AHI1: variants seen among roughly 807,000 people sequenced by gnomAD.
AHI1 encodes Abelson helper integration site 1.
AHI1 carries 123 observed loss-of-function variants against 149.3 expected under a neutral mutation model. The observed-to-expected ratio is 0.82, with a 90% CI of 0.71 to 0.96. The LOEUF is 0.96. AHI1 is among the 40% of genes least tolerant of loss of function. The pLI is 0.00. For missense variants in AHI1, 1,439 were observed against 1,422.7 expected (o/e 1.01, Z -0.18); for synonymous variants, 475 against 459.8 (o/e 1.03, Z -0.42).
At chr6:135,473,372 G>A (rs1358400184) in intron 5 of AHI1, among the ~76,000 whole-genome samples, 1 of 152,086 alleles carries the variant, frequency 6.6e-6, no homozygotes, top group Non-Finnish European at 1.5e-5. Context: ...TTTTGAATCA[G>A]AAAGTGTAAT....
rs1250358694 is a variant in AHI1, at chr6:135,497,260, A to G, written c.-201-11T>C. On this transcript the variant is annotated splice_polypyrimidine_tract_variant and intron_variant, in intron 1 of 28. Transcript: ENST00000265602. The stretch of plus-strand genomic sequence containing the variant: ...CCCCAGGTTGACACTCTAAAAGGAA[A>G]TAAACACACTCAGTACACATCTGAT... 1 of 152,280 alleles carries G rather than the reference A, an allele frequency of 6.6e-6. No homozygotes were observed. The highest frequency in any genetic ancestry group is 2.4e-5 in the African/African-American group (1 of 41,472). 9.4% of individuals were successfully genotyped at this position (152,280 alleles called of 1,614,324 possible).
At chr6:135,331,445 G>T (rs1364995389) in intron 24 of AHI1, among the ~76,000 whole-genome samples, 1 of 152,074 alleles carries the variant, frequency 6.6e-6, no homozygotes, top group East Asian at 1.9e-4. Flanking sequence ...AGCACTGCTG[G>T]AAACACCATT....
chr6:135,308,704 A>G (rs1342433206), intron 26 of AHI1, among the ~76,000 whole-genome samples: 1 of 152,232 alleles, frequency 6.6e-6, no homozygotes, highest in African/African-American at 2.4e-5. Context: ...CTAAATAAGG[A>G]GTGGGTTGCT....
intron 24 of AHI1, among the ~76,000 whole-genome samples, chr6:135,331,688 C>T (rs1012099300): frequency 1.3e-5 from 2 of 151,706 alleles, no homozygotes; most frequent in Non-Finnish European, 3.0e-5. Context: ...CGTAATACCT[C>T]CAAGTCATTC....
At position 135,482,894 on chromosome 6, in the gene AHI1, C is replaced by CTTT. The variant is rs761997683; in HGVS notation, c.135+7726_135+7728dup. ...TTCAACCAGTATAATCCATTTAAGG[C>CTTT]TTTTTTTTTTTTTTTGAGACAGAGT... On this transcript the variant is annotated intron_variant, in intron 5 of 28. Coordinates refer to ENST00000265602, the MANE Select transcript of AHI1 (RefSeq NM_001134831.2). Among the ~76,000 whole-genome samples the CTTT allele has an allele frequency of 2.5e-4, 14 of 55,732 alleles. 3 individuals are homozygous for CTTT. The highest frequency in any genetic ancestry group is 9.3e-4 in the African/African-American group (10 of 10,788). The allele number at this position is 55,732 out of a possible 152,430, so 36.6% of individuals were successfully genotyped here.
chr6:135,466,349 G>T lies in AHI1; in HGVS notation c.214C>A (p.Pro72Thr), dbSNP rs1173813597. The T allele has an allele frequency of 3.1e-6, 5 of 1,613,610 alleles. No homozygotes were observed. The African/African-American group carries it at 6.7e-5, about 22-fold the overall frequency. ...TCACTTGTAGTTTCTTTAATATGGG[G>T]AAGATTGCTTCTAATAGTGTCGGGC... ...DDPDTIRSNL[P>T]HIKETTSDDV... The change falls in exon 7 of 29, where the codon CCC becomes ACC. Residue 72 changes from proline (P) to threonine (T), a missense_variant. Physicochemically the swap from Pro to Thr is conservative, Grantham distance 38. Coordinates refer to ENST00000265602, the MANE Select transcript of AHI1 (RefSeq NM_001134831.2).
intron 7 of AHI1, among the ~76,000 whole-genome samples, chr6:135,463,826 A>G (rs1358844759): frequency 1.3e-5 from 2 of 151,870 alleles, no homozygotes; most frequent in African/African-American, 4.8e-5. Context: ...ATCATAGCTC[A>G]CTGCTGCCTC....
chr6:135,422,619 T>TTATGTATGTATGTATGTATG (rs71006761), intron 20 of AHI1, among the ~76,000 whole-genome samples: 1 of 147,724 alleles, frequency 6.8e-6, no homozygotes. Flanking sequence ...AGTTTTATTT[T>TTATGTATGTATGTATGTATG]TATGTATGTA....
At chr6:135,469,262 A>C (rs1284626126) in intron 5 of AHI1, among the ~76,000 whole-genome samples, 1 of 152,184 alleles carries the variant, frequency 6.6e-6, no homozygotes, top group Admixed American at 6.5e-5. Context: ...CAAAAACCAT[A>C]TGATTATCTG....
chr6:135,397,895 A>G (rs2128489214), intron 22 of AHI1, among the ~76,000 whole-genome samples: 1 of 152,206 alleles, frequency 6.6e-6, no homozygotes, highest in African/African-American at 2.4e-5. Context: ...TTATAACCGA[A>G]AGAATGTTAA....
At chr6:135,487,955 T>G (rs1008168935) in intron 5 of AHI1, among the ~76,000 whole-genome samples, 3 of 152,114 alleles carry the variant, frequency 2.0e-5, no homozygotes, top group Non-Finnish European at 2.9e-5. Context: ...AATGCACATA[T>G]GTTTACAACT....
rs574975641 is a variant in AHI1, at chr6:135,306,473, G to A, written c.3427-5915C>T. ...GGAGTAAGAAATCAGCAGCTTGAGT[G>A]AGAAACGTGGACATTCTTTTCTGAC... On this transcript the variant is annotated intron_variant, in intron 26 of 28. Coordinates refer to ENST00000265602, the MANE Select transcript of AHI1 (RefSeq NM_001134831.2). Among the ~76,000 whole-genome samples the A allele has an allele frequency of 7.2e-5, 11 of 152,342 alleles. No homozygotes were observed. In the South Asian group the frequency reaches 2.1e-3, roughly 29 times the overall value.
chr6:135,451,255 C>CA (rs2128065728), intron 11 of AHI1, among the ~76,000 whole-genome samples: 1 of 152,292 alleles, frequency 6.6e-6, no homozygotes, highest in East Asian at 1.9e-4. Context: ...CCTCACCTCC[C>CA]AGCGTGCTGG....
At chr6:135,412,817 T>C (rs1263116581) in intron 20 of AHI1, among the ~76,000 whole-genome samples, 3 of 152,096 alleles carry the variant, frequency 2.0e-5, no homozygotes, top group Non-Finnish European at 2.9e-5. Flanking sequence ...ATTCATAATA[T>C]GGAATCAATG....
At position 135,433,178 on chromosome 6, in the gene AHI1, G is replaced by A; in HGVS notation, c.2115C>T (p.Phe705=). 6.2e-7 allele frequency: 1 copy of A among 1,613,084 alleles called. No individual in the cohort carries two copies. The highest frequency in any genetic ancestry group is 1.3e-5 in the African/African-American group (1 of 75,028). ...PHPSFVYTAK[F]HPAVRELVVT... ...CTACTAGCTCTCTTACAGCTGGATG[G>A]AATTTAGCCGTGTAAACAAAAGAAG... The change falls in exon 16 of 29, where the codon TTC becomes TTT. Residue 705 remains phenylalanine (F), a synonymous_variant. Transcript: ENST00000265602.
intron 11 of AHI1, among the ~76,000 whole-genome samples, chr6:135,449,758 A>G (rs1198347208): frequency 6.6e-6 from 1 of 152,242 alleles, no homozygotes; most frequent in Non-Finnish European, 1.5e-5. Flanking sequence ...AATGATGGGA[A>G]TACTCTAACC....
chr6:135,483,394 C>T (rs1267452750), intron 5 of AHI1, among the ~76,000 whole-genome samples: 1 of 152,026 alleles, frequency 6.6e-6, no homozygotes, highest in Admixed American at 6.6e-5. Flanking sequence ...CAATTCACTG[C>T]ACAAAACAAA....
rs911999039 is a variant in AHI1 at position 135,284,590 on chromosome 6, T to A, written c.*1055A>T. 1 of 126,092 alleles carries A rather than the reference T, an allele frequency of 7.9e-6. No homozygotes were observed. Among genetic ancestry groups the A allele is most frequent in the Non-Finnish European group, 1.5e-5 (1 of 67,694 alleles). The allele number at this position is 126,092 out of a possible 1,614,324, so 7.8% of individuals were successfully genotyped here. A position where few individuals can be genotyped will look rare whatever the true frequency, so the allele number is the denominator to read the frequency against. On this transcript the variant is annotated 3_prime_UTR_variant, in exon 29 of 29. Transcript: ENST00000265602. The stretch of plus-strand genomic sequence containing the variant: ...CTATTATTCTGGAACTTAGAAAAAA[T>A]AAATAATGCAATATAATAATGTAAA...
At chr6:135,460,321 A>G (rs1789675476) in intron 8 of AHI1, among the ~76,000 whole-genome samples, 1 of 152,242 alleles carries the variant, frequency 6.6e-6, no homozygotes, top group Non-Finnish European at 1.5e-5. Context: ...AATGCCATTT[A>G]TAATATCATT....
Sources: allele counts gnomAD v4.1 joint callset (sites outside exome capture counted in the v4.1 genomes callset), GRCh38; gene constraint gnomAD v4.1.1; transcripts MANE v1.5; gene names NCBI Gene and HGNC (gene_info 2026-07-23, HGNC 2026-07-21).